The following PPIAL4A variants were observed in gnomAD, a reference collection of about 807,000 sequenced individuals.
PPIAL4A encodes the protein peptidyl-prolyl cis-trans isomerase A-like 4A.
A neutral mutation model predicts 7.2 loss-of-function variants in PPIAL4A; 6 were observed. The observed-to-expected ratio is 0.83, with a 90% CI of 0.46 to 1.65. The LOEUF is 1.65. Ranked by LOEUF, PPIAL4A falls within the 40% of genes most tolerant of loss-of-function variation. The pLI is 0.01. For missense variants in PPIAL4A, 212 were observed against 209.4 expected (o/e 1.01, Z -0.08); for synonymous variants, 53 against 75.1 (o/e 0.71, Z 1.52).
At position 120,890,050 on chromosome 1, in the gene PPIAL4A, C is replaced by A. The variant is rs1653226566; in HGVS notation, c.230C>A (p.Ser77Tyr). ...CGCCATAATGGCACTGGTGACAAGT[C>A]CATCTATGGGGAGAAATTTGATGAT... ...FTRHNGTGDK[S>Y]IYGEKFDDEN... is the part of the protein sequence containing the mutation. The change falls in exon 1 of 1, where the codon TCC (serine) becomes TAC (tyrosine). Residue 77 changes from serine (S) to tyrosine (Y), a missense_variant. Physicochemically the swap from Ser to Tyr is moderately radical, Grantham distance 144. Coordinates refer to ENST00000577856, the MANE Select transcript of PPIAL4A (RefSeq NM_001143883.4). 8.1e-6 allele frequency: 12 copies of A among 1,472,516 alleles called. 3 individuals carry two copies. The highest frequency in any genetic ancestry group is 1.1e-5 in the Non-Finnish European group (12 of 1,086,908). 91.2% of individuals were successfully genotyped at this position (1,472,516 alleles called of 1,614,324 possible). A position where few individuals can be genotyped will look rare whatever the true frequency, so the allele number is the denominator to read the frequency against.
Position 120,890,202 on chromosome 1 carries a change from G to T in PPIAL4A, c.382G>T (p.Ala128Ser). ...TGAGTGGTTGGATGGCAAGCATGTGGCCTTTGGCAAGGTGAAAGAACGTGT... is the reference window on the plus strand; with the variant it reads ...TGAGTGGTTGGATGGCAAGCATGTGTCCTTTGGCAAGGTGAAAGAACGTGT... ...KTEWLDGKHV[A>S]FGKVKERVNI... The change falls in exon 1 of 1, where the codon GCC (alanine) becomes TCC (serine). Residue 128 changes from alanine (A) to serine (S), a missense_variant. Coordinates refer to ENST00000577856, the MANE Select transcript of PPIAL4A (RefSeq NM_001143883.4). 6.7e-7 allele frequency: 1 copy of T among 1,496,738 alleles called. No individual in the cohort carries two copies. Among genetic ancestry groups the T allele is most frequent in the Middle Eastern group, 1.8e-4 (1 of 5,528 alleles). 92.7% of individuals were successfully genotyped at this position (1,496,738 alleles called of 1,614,324 possible).
rs1416104379 is a variant in PPIAL4A, at chr1:120,889,853, C to A, written c.33C>A (p.Thr11=). The change falls in exon 1 of 1, where the codon ACC becomes ACA. Residue 11 remains threonine, a synonymous_variant. Coordinates refer to ENST00000577856, the MANE Select transcript of PPIAL4A (RefSeq NM_001143883.4). ...ACTCCGTCGTCTTTTTTGACATCAC[C>A]GTCGACGGCAAGCCCTTGGGCCGCA... is the stretch of plus-strand genomic sequence containing the variant. MVNSVVFFDI[T]VDGKPLGRIS... 6.8e-7 allele frequency: 1 copy of A among 1,468,320 alleles called. No individual in the cohort carries two copies. Among genetic ancestry groups the A allele is most frequent in the Admixed American group, 1.8e-5 (1 of 54,768 alleles). 91.0% of individuals were successfully genotyped at this position (1,468,320 alleles called of 1,614,324 possible).
In PPIAL4A at chr1:120,889,862, C is replaced by G; in HGVS notation, c.42C>G (p.Gly14=). 2.0e-6 allele frequency: 3 copies of G among 1,469,178 alleles called. 1 individual carries two copies. The highest frequency in any genetic ancestry group is 2.8e-6 in the Non-Finnish European group (3 of 1,085,360). 91.0% of individuals were successfully genotyped at this position (1,469,178 alleles called of 1,614,324 possible). ...TCTTTTTTGACATCACCGTCGACGG[C>G]AAGCCCTTGGGCCGCATCTCCATCA... ...SVVFFDITVD[G]KPLGRISIKL... Residue 14 remains glycine, a synonymous_variant, in exon 1 of 1, where the codon GGC becomes GGG. Transcript: ENST00000577856.
chr1:120,889,968 G>T lies in PPIAL4A; in HGVS notation c.148G>T (p.Gly50Cys). The change falls in exon 1 of 1, where the codon GGT (glycine) becomes TGT (cysteine). Residue 50 changes from glycine to cysteine, a missense_variant. Transcript: ENST00000577856. ...TGGAGAGAAAGGATTTCGTTATAAG[G>T]GTTCCTGCTTTCACAGAATTATTCC... ...STGEKGFRYKGSCFHRIIPGF... is the reference protein window; with the variant it reads ...STGEKGFRYKCSCFHRIIPGF... 6 of 1,474,252 alleles carry T rather than the reference G, an allele frequency of 4.1e-6. 2 individuals carry two copies. The highest frequency in any genetic ancestry group is 1.9e-5 in the African/African-American group (1 of 51,638). The allele number at this position is 1,474,252 out of a possible 1,614,324, so 91.3% of individuals were successfully genotyped here.
In PPIAL4A at chr1:120,890,190, G is replaced by A. The variant is rs1653229856; in HGVS notation, c.370G>A (p.Gly124Ser). The part of the protein sequence containing the change: ...ICAAKTEWLD[G>S]KHVAFGKVKE... Reference sequence around the variant, plus strand: ...TGCTGCCAAGACTGAGTGGTTGGATGGCAAGCATGTGGCCTTTGGCAAGGT... The same window carrying A: ...TGCTGCCAAGACTGAGTGGTTGGATAGCAAGCATGTGGCCTTTGGCAAGGT... The change falls in exon 1 of 1, where the codon GGC becomes AGC. Residue 124 changes from glycine to serine, a missense_variant. By Grantham distance (56) the Gly-to-Ser change is moderately conservative. Coordinates refer to ENST00000577856, the MANE Select transcript of PPIAL4A (RefSeq NM_001143883.4). 7.2e-6 allele frequency: 11 copies of A among 1,532,026 alleles called. 3 individuals are homozygous for A. The highest frequency in any genetic ancestry group is 9.7e-6 in the Non-Finnish European group (11 of 1,137,328). The allele number at this position is 1,532,026 out of a possible 1,614,324, so 94.9% of individuals were successfully genotyped here.
Position 120,890,419 on chromosome 1 carries a change from G to T in PPIAL4A, c.*104G>T, listed in dbSNP as rs1653234566. 4 of 794,552 alleles carry T rather than the reference G, an allele frequency of 5.0e-6. No individual in the cohort carries two copies. The highest frequency in any genetic ancestry group is 3.1e-5 in the Admixed American group (1 of 31,850). The allele number at this position is 794,552 out of a possible 1,614,324, so 49.2% of individuals were successfully genotyped here. A position where few individuals can be genotyped will look rare whatever the true frequency, so the allele number is the denominator to read the frequency against. ...GCTTGCAATATCCTAGAATCTTTGT[G>T]CTCTTGCTGCAGTTCCCTTTGGGTT... On this transcript the variant is annotated 3_prime_UTR_variant, in exon 1 of 1. Coordinates refer to ENST00000577856, the MANE Select transcript of PPIAL4A (RefSeq NM_001143883.4).
At position 120,890,073 on chromosome 1, in the gene PPIAL4A, G is replaced by A. The variant is rs1306572722; in HGVS notation, c.253G>A (p.Asp85Asn). 59 of 1,488,128 alleles carry A rather than the reference G, an allele frequency of 4.0e-5. 5 individuals carry two copies. The East Asian group carries it at 8.1e-4, about 20-fold the overall frequency. The allele number at this position is 1,488,128 out of a possible 1,614,324, so 92.2% of individuals were successfully genotyped here. Residue 85 changes from aspartate (D) to asparagine (N), a missense_variant, in exon 1 of 1, where the codon GAT becomes AAT. By Grantham distance (23) the Asp-to-Asn change is conservative. Transcript: ENST00000577856. ...GTCCATCTATGGGGAGAAATTTGAT[G>A]ATGAGAACCTCATCCGAAAGCATAC... ...DKSIYGEKFD[D>N]ENLIRKHTGS...
rs1328395121 is a variant in PPIAL4A, at chr1:120,889,811, A to G, written c.-10A>G. The stretch of plus-strand genomic sequence containing the variant: ...ACGCCACCATCACTGTGAGCCCTGT[A>G]CTATCAGCCATGGTCAACTCCGTCG... On this transcript the variant is annotated 5_prime_UTR_variant, in exon 1 of 1. Transcript: ENST00000577856. The G allele has an allele frequency of 1.5e-5, 22 of 1,466,516 alleles. 5 individuals are homozygous for G. The Admixed American group carries it at 2.2e-4, about 15-fold the overall frequency. The allele number at this position is 1,466,516 out of a possible 1,614,324, so 90.8% of individuals were successfully genotyped here. A position where few individuals can be genotyped will look rare whatever the true frequency, so the allele number is the denominator to read the frequency against.
rs1399549372 is a variant in PPIAL4A, at chr1:120,889,836, G to A, written c.16G>A (p.Val6Ile). MVNSVVFFDITVDGKP... is the reference protein window; with the variant it reads MVNSVIFFDITVDGKP... Reference sequence around the variant, plus strand: ...ACTATCAGCCATGGTCAACTCCGTCGTCTTTTTTGACATCACCGTCGACGG... The same window carrying A: ...ACTATCAGCCATGGTCAACTCCGTCATCTTTTTTGACATCACCGTCGACGG... Residue 6 changes from valine (V) to isoleucine (I), a missense_variant, in exon 1 of 1, where the codon GTC becomes ATC. Transcript: ENST00000577856. The A allele has an allele frequency of 2.7e-5, 40 of 1,467,644 alleles. 11 individuals carry two copies. Among genetic ancestry groups the A allele is most frequent in the Admixed American group, 1.6e-4 (9 of 54,690 alleles). 90.9% of individuals were successfully genotyped at this position (1,467,644 alleles called of 1,614,324 possible).
Position 120,889,785 on chromosome 1 carries a change from G to A in PPIAL4A, c.-36G>A. ...AAAAAGATCAGTGGTTATCTTTGCA[G>A]ACGCCACCATCACTGTGAGCCCTGT... On this transcript the variant is annotated 5_prime_UTR_variant, in exon 1 of 1. Coordinates refer to ENST00000577856, the MANE Select transcript of PPIAL4A (RefSeq NM_001143883.4). The A allele has an allele frequency of 3.4e-6, 5 of 1,461,700 alleles. 1 individual carries two copies. Among genetic ancestry groups the A allele is most frequent in the Non-Finnish European group, 4.6e-6 (5 of 1,082,800 alleles). 90.5% of individuals were successfully genotyped at this position (1,461,700 alleles called of 1,614,324 possible). A position where few individuals can be genotyped will look rare whatever the true frequency, so the allele number is the denominator to read the frequency against.
Position 120,890,051 on chromosome 1 carries a change from C to A in PPIAL4A, c.231C>A (p.Ser77=). 4 of 1,472,968 alleles carry A rather than the reference C, an allele frequency of 2.7e-6. No homozygotes were observed. Among genetic ancestry groups the A allele is most frequent in the Non-Finnish European group, 2.8e-6 (3 of 1,087,220 alleles). 91.2% of individuals were successfully genotyped at this position (1,472,968 alleles called of 1,614,324 possible). A position where few individuals can be genotyped will look rare whatever the true frequency, so the allele number is the denominator to read the frequency against. The change falls in exon 1 of 1, where the codon TCC becomes TCA. Residue 77 remains serine, a synonymous_variant. Transcript: ENST00000577856. ...GCCATAATGGCACTGGTGACAAGTCCATCTATGGGGAGAAATTTGATGATG... is the reference window on the plus strand; with the variant it reads ...GCCATAATGGCACTGGTGACAAGTCAATCTATGGGGAGAAATTTGATGATG... ...FTRHNGTGDK[S]IYGEKFDDEN...
chr1:120,889,974 T>A lies in PPIAL4A; in HGVS notation c.154T>A (p.Cys52Ser). Residue 52 changes from cysteine to serine, a missense_variant, in exon 1 of 1, where the codon TGC becomes AGC. Coordinates refer to ENST00000577856, the MANE Select transcript of PPIAL4A (RefSeq NM_001143883.4). ...GAAAGGATTTCGTTATAAGGGTTCC[T>A]GCTTTCACAGAATTATTCCAGGGTT... Reference protein sequence around the residue: ...GEKGFRYKGSCFHRIIPGFMC... With the variant: ...GEKGFRYKGSSFHRIIPGFMC... 2 of 1,474,658 alleles carry A rather than the reference T, an allele frequency of 1.4e-6. No homozygotes were observed. Among genetic ancestry groups the A allele is most frequent in the Non-Finnish European group, 1.8e-6 (2 of 1,087,434 alleles). 91.3% of individuals were successfully genotyped at this position (1,474,658 alleles called of 1,614,324 possible).
rs1571063664 is a variant in PPIAL4A, at chr1:120,889,782, G to A, written c.-39G>A. The A allele has an allele frequency of 1.2e-5, 17 of 1,461,272 alleles. 1 individual carries two copies. In the East Asian group the frequency reaches 3.6e-4, roughly 31 times the overall value. The allele number at this position is 1,461,272 out of a possible 1,614,324, so 90.5% of individuals were successfully genotyped here. A position where few individuals can be genotyped will look rare whatever the true frequency, so the allele number is the denominator to read the frequency against. On this transcript the variant is annotated 5_prime_UTR_variant, in exon 1 of 1. Transcript: ENST00000577856. ...AGTAAAAAGATCAGTGGTTATCTTTGCAGACGCCACCATCACTGTGAGCCC... is the reference window on the plus strand; with the variant it reads ...AGTAAAAAGATCAGTGGTTATCTTTACAGACGCCACCATCACTGTGAGCCC...
In PPIAL4A at chr1:120,890,093, G is replaced by T. The variant is rs1176793547; in HGVS notation, c.273G>T (p.Lys91Asn). 6.4e-4 allele frequency: 955 copies of T among 1,499,776 alleles called. 133 individuals are homozygous for T. The South Asian group carries it at 7.3e-3, about 11-fold the overall frequency. The allele number at this position is 1,499,776 out of a possible 1,614,324, so 92.9% of individuals were successfully genotyped here. ...TTGATGATGAGAACCTCATCCGAAA[G>T]CATACAGGTTCTGGCATCTTGTCCA... The part of the protein sequence containing the change: ...EKFDDENLIR[K>N]HTGSGILSMA... The change falls in exon 1 of 1, where the codon AAG (lysine) becomes AAT (asparagine). Residue 91 changes from lysine (K) to asparagine (N), a missense_variant. Physicochemically the swap from Lys to Asn is moderately conservative, Grantham distance 94. Coordinates refer to ENST00000577856, the MANE Select transcript of PPIAL4A (RefSeq NM_001143883.4).
At position 120,890,427 on chromosome 1, in the gene PPIAL4A, T is replaced by C; in HGVS notation, c.*112T>C. On this transcript the variant is annotated 3_prime_UTR_variant, in exon 1 of 1. Transcript: ENST00000577856. ...TATCCTAGAATCTTTGTGCTCTTGC[T>C]GCAGTTCCCTTTGGGTTCCATGTTT... 2.7e-6 allele frequency: 2 copies of C among 737,534 alleles called. No homozygotes were observed. The highest frequency in any genetic ancestry group is 3.9e-6 in the Non-Finnish European group (2 of 510,206). 45.7% of individuals were successfully genotyped at this position (737,534 alleles called of 1,614,324 possible). A position where few individuals can be genotyped will look rare whatever the true frequency, so the allele number is the denominator to read the frequency against.
rs1558001291 is a variant in PPIAL4A at position 120,890,011 on chromosome 1, G to A, written c.191G>A (p.Gly64Asp). 4.5e-5 allele frequency: 66 copies of A among 1,471,586 alleles called. 9 individuals carry two copies. The highest frequency in any genetic ancestry group is 5.9e-5 in the Non-Finnish European group (64 of 1,086,232). 91.2% of individuals were successfully genotyped at this position (1,471,586 alleles called of 1,614,324 possible). The part of the protein sequence containing the change: ...HRIIPGFMCQ[G>D]GDFTRHNGTG... Reference sequence around the variant, plus strand: ...ATTATTCCAGGGTTTATGTGTCAGGGTGGTGACTTCACACGCCATAATGGC... The same window carrying A: ...ATTATTCCAGGGTTTATGTGTCAGGATGGTGACTTCACACGCCATAATGGC... Residue 64 changes from glycine to aspartate, a missense_variant, in exon 1 of 1, where the codon GGT becomes GAT. By Grantham distance (94) the Gly-to-Asp change is moderately conservative. Transcript: ENST00000577856.
rs1653223039 is a variant in PPIAL4A at position 120,889,968 on chromosome 1, G to C, written c.148G>C (p.Gly50Arg). 11 of 1,474,252 alleles carry C rather than the reference G, an allele frequency of 7.5e-6. 3 individuals carry two copies. Among genetic ancestry groups the C allele is most frequent in the South Asian group, 1.2e-5 (1 of 85,050 alleles). 91.3% of individuals were successfully genotyped at this position (1,474,252 alleles called of 1,614,324 possible). ...TGGAGAGAAAGGATTTCGTTATAAGGGTTCCTGCTTTCACAGAATTATTCC... is the reference window on the plus strand; with the variant it reads ...TGGAGAGAAAGGATTTCGTTATAAGCGTTCCTGCTTTCACAGAATTATTCC... Reference protein sequence around the residue: ...STGEKGFRYKGSCFHRIIPGF... With the variant: ...STGEKGFRYKRSCFHRIIPGF... The change falls in exon 1 of 1, where the codon GGT becomes CGT. Residue 50 changes from glycine to arginine, a missense_variant. By Grantham distance (125) the Gly-to-Arg change is moderately radical. Coordinates refer to ENST00000577856, the MANE Select transcript of PPIAL4A (RefSeq NM_001143883.4).
rs1653235340 is a variant in PPIAL4A at position 120,890,479 on chromosome 1, G to C, written c.*164G>C. On this transcript the variant is annotated 3_prime_UTR_variant, in exon 1 of 1. Transcript: ENST00000577856. ...CCTTGTTCCCTTCCATGCCTAGCTG[G>C]ATTGCAGAGTTGAGTTAAGTTTATG... is the stretch of plus-strand genomic sequence containing the variant. The C allele has an allele frequency of 6.2e-6, 3 of 483,960 alleles. 1 individual carries two copies. Among genetic ancestry groups the C allele is most frequent in the Non-Finnish European group, 1.0e-5 (3 of 300,178 alleles). The allele number at this position is 483,960 out of a possible 1,614,324, so 30.0% of individuals were successfully genotyped here.
chr1:120,890,356 C>G lies in PPIAL4A; in HGVS notation c.*41C>G. 7.7e-7 allele frequency: 1 copy of G among 1,300,298 alleles called. No homozygotes were observed. The allele number at this position is 1,300,298 out of a possible 1,614,324, so 80.5% of individuals were successfully genotyped here. A position where few individuals can be genotyped will look rare whatever the true frequency, so the allele number is the denominator to read the frequency against. On this transcript the variant is annotated 3_prime_UTR_variant, in exon 1 of 1. Coordinates refer to ENST00000577856, the MANE Select transcript of PPIAL4A (RefSeq NM_001143883.4). The stretch of plus-strand genomic sequence containing the variant: ...TTTTATTTTCACCACCAGACCCATT[C>G]CTTCTGTAGCTCAGGAGAGCACCCC...
Sources: gnomAD v4.1 joint callset for allele counts on GRCh38, gnomAD v4.1.1 for gene constraint, MANE v1.5 for transcripts, NCBI Gene and HGNC (gene_info 2026-07-23, HGNC 2026-07-21) for gene names.